DACH2: variants seen among roughly 807,000 people sequenced by gnomAD.
DACH2 encodes the protein dachshund homolog 2.
Under a neutral mutation model 35.8 loss-of-function variants are expected in DACH2, and 17 were observed. That is an observed-to-expected ratio of 0.48 (90% CI 0.33 to 0.71). DACH2 has a LOEUF of 0.71. Among genes scored for constraint, DACH2 ranks in the 30% least tolerant of loss-of-function variants. The pLI is 0.02. For missense variants in DACH2, 469 were observed against 472.7 expected, an observed-to-expected ratio of 0.99 and a Z score of 0.07; for synonymous variants, 195 against 177.3, an observed-to-expected ratio of 1.10 and a Z score of -0.79.
chrX:86,460,863 A>T (rs933969569), intron 2 of DACH2, among the ~76,000 whole-genome samples: 2 of 111,138 alleles, frequency 1.8e-5, no homozygotes, highest in Non-Finnish European at 3.8e-5. Context: ...AGTGAGACCC[A>T]TGATGTTAAC....
intron 1 of DACH2, among the ~76,000 whole-genome samples, chrX:86,312,487 T>A (rs1362500481): frequency 9.0e-6 from 1 of 111,582 alleles, no homozygotes; most frequent in East Asian, 2.8e-4. Flanking sequence ...TCAACTTGAT[T>A]GGATTGAGGA....
chrX:86,406,865 A>G (rs2036535646), intron 2 of DACH2, among the ~76,000 whole-genome samples: 1 of 112,104 alleles, frequency 8.9e-6, no homozygotes, highest in Non-Finnish European at 1.9e-5. Context: ...TCTAAATTTA[A>G]AAATACATAT....
At chrX:86,241,632 G>A (rs1457644337) in intron 1 of DACH2, among the ~76,000 whole-genome samples, 2 of 112,482 alleles carry the variant, frequency 1.8e-5, no homozygotes, top group East Asian at 5.6e-4. Flanking sequence ...ATAAATAAAA[G>A]AAGCTGAATG....
At chrX:86,453,125 T>A (rs2037411292) in intron 2 of DACH2, among the ~76,000 whole-genome samples, 1 of 111,777 alleles carries the variant, frequency 8.9e-6, no homozygotes, top group African/African-American at 3.2e-5. Flanking sequence ...ATTTGTGTGG[T>A]TTTGAGTGAA....
intron 1 of DACH2, among the ~76,000 whole-genome samples, chrX:86,324,571 C>CTTTT (rs56918891): frequency 1.5e-4 from 6 of 40,648 alleles, no homozygotes; most frequent in Admixed American, 4.5e-4. Flanking sequence ...TCACTGTTGT[C>CTTTT]TTTTTTTTTT....
intron 1 of DACH2, among the ~76,000 whole-genome samples, chrX:86,176,575 TAAAC>T (rs1315010632): frequency 2.7e-5 from 3 of 111,618 alleles, no homozygotes; most frequent in South Asian, 3.8e-4. Flanking sequence ...TTTACGTTGT[TAAAC>T]AATGATTCTT....
At chrX:86,387,678 C>T (rs1422894135) in intron 2 of DACH2, among the ~76,000 whole-genome samples, 1 of 111,692 alleles carries the variant, frequency 9.0e-6, no homozygotes, top group Non-Finnish European at 1.9e-5. Context: ...CTGTAAAGGT[C>T]GGGACCATCC....
chrX:86,226,932 C>A (rs2032838553), intron 1 of DACH2, among the ~76,000 whole-genome samples: 1 of 110,950 alleles, frequency 9.0e-6, no homozygotes, highest in African/African-American at 3.3e-5. Flanking sequence ...AGATACAAAT[C>A]CTGTTATAAA....
At chrX:86,576,297 G>A (rs2039434590) in intron 3 of DACH2, among the ~76,000 whole-genome samples, 1 of 111,777 alleles carries the variant, frequency 8.9e-6, no homozygotes, top group Non-Finnish European at 1.9e-5. Context: ...ATATGTGAAT[G>A]CTAGGTACAA....
intron 2 of DACH2, among the ~76,000 whole-genome samples, chrX:86,484,531 TA>T (rs1485012124): frequency 8.9e-6 from 1 of 112,317 alleles, no homozygotes; most frequent in Non-Finnish European, 1.9e-5. Flanking sequence ...AAGAATGTGG[TA>T]TTAGATTTTA....
rs760545041 is a variant in DACH2 at position 86,299,844 on chromosome X, TCA to T, written c.489-76977_489-76976del. 2.9e-4 allele frequency among the ~76,000 whole-genome samples: 33 copies of T among 112,144 alleles called. 2 individuals are homozygous for T. In the South Asian group the frequency reaches 0.012, roughly 41 times the overall value. On this transcript the variant is annotated intron_variant, in intron 1 of 11. Transcript: ENST00000373125. ...GAAGGTGTATATATTTCCATAAAAT[TCA>T]CAGTTGGCTGACAGTAACAACATAA...
chrX:86,371,260 C>G (rs1039695128), intron 1 of DACH2, among the ~76,000 whole-genome samples: 2 of 110,813 alleles, frequency 1.8e-5, no homozygotes, highest in African/African-American at 6.5e-5. Context: ...TTTATCTTCA[C>G]CACCACCCCA....
At chrX:86,445,652 C>T (rs1459643252) in intron 2 of DACH2, among the ~76,000 whole-genome samples, 2 of 99,498 alleles carry the variant, frequency 2.0e-5, no homozygotes, top group Non-Finnish European at 4.0e-5. Flanking sequence ...TACAAATTTT[C>T]ATGTATTTGT....
rs1569301569 is a variant in DACH2, at chrX:86,205,472, CCCTCCTTCCCTCCT to C, written c.488+56365_488+56378del. On this transcript the variant is annotated intron_variant, in intron 1 of 11. Coordinates refer to ENST00000373125, the MANE Select transcript of DACH2 (RefSeq NM_053281.3). ...TCCCTCCCTCCCTCCCTCCCTCCTTCCCTCCTTCCCTCCTTCCCTCCTTCCTTCCTTCCTTCCTT... is the reference window on the plus strand; with the variant it reads ...TCCCTCCCTCCCTCCCTCCCTCCTTCTCCCTCCTTCCTTCCTTCCTTCCTT... Among the ~76,000 whole-genome samples, 139 of 50,313 alleles carry C rather than the reference CCCTCCTTCCCTCCT, an allele frequency of 2.8e-3. 2 individuals carry two copies. Among genetic ancestry groups the C allele is most frequent in the African/African-American group, 0.021 (132 of 6,345 alleles). The allele number at this position is 50,313 out of a possible 115,157, so 43.7% of individuals were successfully genotyped here.
chrX:86,402,866 AAG>A (rs1248603504), intron 2 of DACH2, among the ~76,000 whole-genome samples: 1 of 111,993 alleles, frequency 8.9e-6, no homozygotes, highest in Admixed American at 9.5e-5. Flanking sequence ...ACAGAAAACT[AAG>A]AAATAAATCC....
chrX:86,711,769 T>C (rs1375114670), intron 5 of DACH2, among the ~76,000 whole-genome samples: 1 of 112,450 alleles, frequency 8.9e-6, no homozygotes, highest in Non-Finnish European at 1.9e-5. Context: ...TGACAGCTAT[T>C]GCAGGTCATG....
At chrX:86,626,980 G>T (rs138972129) in intron 3 of DACH2, among the ~76,000 whole-genome samples, 111 of 112,355 alleles carry the variant, frequency 9.9e-4, no homozygotes, top group Non-Finnish European at 1.8e-3. Context: ...GCAAATTTCC[G>T]CAGCTGGCTT....
chrX:86,597,024 T>C (rs1486250770), intron 3 of DACH2, among the ~76,000 whole-genome samples: 1 of 111,753 alleles, frequency 8.9e-6, no homozygotes, highest in Non-Finnish European at 1.9e-5. Flanking sequence ...CTAGACTGCC[T>C]TGATTAATGC....
intron 3 of DACH2, among the ~76,000 whole-genome samples, chrX:86,610,186 T>G (rs1167586714): frequency 9.0e-6 from 1 of 110,710 alleles, no homozygotes; most frequent in East Asian, 2.9e-4. Context: ...CATTCTTCCA[T>G]TCTTCCCTCC....
Sources: gnomAD v4.1 joint callset for allele counts (sites outside exome capture counted in the v4.1 genomes callset) on GRCh38, gnomAD v4.1.1 for gene constraint, MANE v1.5 for transcripts, NCBI Gene and HGNC (gene_info 2026-07-23, HGNC 2026-07-21) for gene names.